HFM1: variants seen among roughly 807,000 people sequenced by gnomAD.
HFM1 encodes the protein helicase for meiosis 1.
HFM1 carries 169 observed loss-of-function variants against 192.1 expected under a neutral mutation model. The observed-to-expected ratio is 0.88, with a 90% CI of 0.78 to 1.00. The LOEUF (loss-of-function observed/expected upper bound fraction) is 1.00, where lower values mean the gene tolerates loss of function less well. Among genes scored for constraint, HFM1 ranks in the 50% least tolerant of loss-of-function variants. The pLI, the probability that HFM1 is intolerant of heterozygous loss-of-function variation, is 0.00. For missense variants in HFM1, 1,661 were observed against 1,668.0 expected (o/e 1.00, Z 0.07); for synonymous variants, 525 against 537.8 (o/e 0.98, Z 0.33).
rs561416105 is a variant in HFM1 at position 91,289,144 on chromosome 1, A to G, written c.3392-12082T>C. Among the ~76,000 whole-genome samples the G allele has an allele frequency of 1.5e-3, 216 of 148,564 alleles. 3 individuals are homozygous for G. In the East Asian group the frequency reaches 0.024, roughly 16 times the overall value. Reference sequence around the variant, plus strand: ...GGCGGAGGGGCTCCTCATTTCTCAGATGGGGCAGCCAGTCAGAGACGCTCC... The same window carrying G: ...GGCGGAGGGGCTCCTCATTTCTCAGGTGGGGCAGCCAGTCAGAGACGCTCC... On this transcript the variant is annotated intron_variant, in intron 30 of 38. Transcript: ENST00000370425.
chr1:91,298,698 G>A (rs926038532), intron 30 of HFM1, among the ~76,000 whole-genome samples: 4 of 152,158 alleles, frequency 2.6e-5, no homozygotes, highest in African/African-American at 9.7e-5. Context: ...AGCTTCATAA[G>A]TGAAGGAGAA....
In HFM1 at chr1:91,269,017, T is replaced by C. The variant is rs1452207136; in HGVS notation, c.3773-1162A>G. ...ATTTTTTGTGTTATTCACAATGTAATGGCTACAATAACAACACACATTTGT... is the reference window on the plus strand; with the variant it reads ...ATTTTTTGTGTTATTCACAATGTAACGGCTACAATAACAACACACATTTGT... On this transcript the variant is annotated intron_variant, in intron 34 of 38. Coordinates refer to ENST00000370425, the MANE Select transcript of HFM1 (RefSeq NM_001017975.6). 3.3e-5 allele frequency among the ~76,000 whole-genome samples: 5 copies of C among 152,270 alleles called. No individual in the cohort carries two copies. In the East Asian group the frequency reaches 7.7e-4, roughly 23 times the overall value.
upstream of HFM1, among the ~76,000 whole-genome samples, chr1:91,407,236 T>C (rs943314677): frequency 1.1e-4 from 17 of 152,166 alleles, no homozygotes; most frequent in African/African-American, 2.6e-4. Flanking sequence ...AAGGATAGCA[T>C]TGGGAGAAAT....
At chr1:91,261,661 A>C (rs1665168874) in intron 38 of HFM1, 1 of 188,154 alleles carries the variant, frequency 5.3e-6, no homozygotes, top group Admixed American at 6.1e-5. Flanking sequence ...CAACTAATTG[A>C]TCACAACCAG....
chr1:91,394,535 T>C (rs1486269057), intron 3 of HFM1, 133 bp from the exon 4 acceptor site: 2 of 600,342 alleles, frequency 3.3e-6, no homozygotes, highest in Admixed American at 3.1e-5. Context: ...AATAAGCTCA[T>C]CTGTAATACC....
At chr1:91,271,672 T>C (rs918253641) in intron 34 of HFM1, among the ~76,000 whole-genome samples, 5 of 152,030 alleles carry the variant, frequency 3.3e-5, no homozygotes, top group Non-Finnish European at 7.4e-5. Flanking sequence ...AGATAAGTTT[T>C]CTTTTAAGAC....
chr1:91,317,120 A>T (rs1048384919), intron 25 of HFM1, among the ~76,000 whole-genome samples: 1 of 152,108 alleles, frequency 6.6e-6, no homozygotes, highest in African/African-American at 2.4e-5. Context: ...TATTCCTTAA[A>T]TACATCAAAT....
chr1:91,400,787 ATCTAT>A (rs1353788391), intron 2 of HFM1, among the ~76,000 whole-genome samples: 4 of 152,134 alleles, frequency 2.6e-5, no homozygotes, highest in Admixed American at 1.3e-4. Flanking sequence ...CCTGGCCCAA[ATCTAT>A]TCTATTTTTA....
intron 30 of HFM1, among the ~76,000 whole-genome samples, chr1:91,283,778 C>T (rs1043210204): frequency 1.3e-5 from 2 of 151,912 alleles, no homozygotes; most frequent in African/African-American, 2.4e-5. Context: ...TAACAGGTGG[C>T]GGGGCAAGGG....
At position 91,322,993 on chromosome 1, in the gene HFM1, GA is replaced by G; in HGVS notation, c.2538del (p.Pro847GlnfsTer11). The G allele has an allele frequency of 7.3e-7, 1 of 1,370,406 alleles. No homozygotes were observed. 84.9% of individuals were successfully genotyped at this position (1,370,406 alleles called of 1,614,324 possible). On this transcript the variant is annotated frameshift_variant, in exon 23 of 39. Coordinates refer to ENST00000370425, the MANE Select transcript of HFM1 (RefSeq NM_001017975.6). LOFTEE classifies it high-confidence loss of function. ...CTTGTTTTAATTCTTCCTTCCATTG[GA>G]AATCTGTAAATAAAACCACATGGCA... Reference protein sequence around the residue: ...NKDPNRITIRFPMEGRIKTRE... With the variant: ...NKDPNRITIRXPMEGRIKTRE...
intron 11 of HFM1, among the ~76,000 whole-genome samples, chr1:91,376,493 A>G (rs189817043): frequency 3.6e-4 from 55 of 152,146 alleles, no homozygotes; most frequent in African/African-American, 1.3e-3. Context: ...AACAGCATTC[A>G]CACAAGTAGT....
chr1:91,378,392 G>T lies in HFM1; in HGVS notation c.1236+11C>A. ...TTTATGTTTATCTCTGAAAGCGAAT[G>T]CATTCATTACCTCATCAATGAGAAA... On this transcript the variant is annotated intron_variant, in intron 10 of 38. Transcript: ENST00000370425. The T allele has an allele frequency of 6.4e-7, 1 of 1,564,718 alleles. No homozygotes were observed. Among genetic ancestry groups the T allele is most frequent in the Non-Finnish European group, 8.8e-7 (1 of 1,139,526 alleles).
intron 20 of HFM1, chr1:91,328,638 G>T: frequency 6.3e-7 from 1 of 1,593,476 alleles, no homozygotes. Flanking sequence ...ATGTCTTTGA[G>T]GGCACGCCAC....
chr1:91,396,882 C>T (rs996826026), intron 2 of HFM1, among the ~76,000 whole-genome samples: 1 of 152,216 alleles, frequency 6.6e-6, no homozygotes, highest in Non-Finnish European at 1.5e-5. Flanking sequence ...AACCCGGCTG[C>T]ACAGCAAGAG....
At chr1:91,269,210 G>GA (rs1302762809) in intron 34 of HFM1, among the ~76,000 whole-genome samples, 4 of 151,962 alleles carry the variant, frequency 2.6e-5, no homozygotes, top group African/African-American at 7.2e-5. Context: ...AAGAAGTTGG[G>GA]AAAAAATGCA....
intron 30 of HFM1, among the ~76,000 whole-genome samples, chr1:91,300,090 G>A (rs1648450408): frequency 1.3e-5 from 2 of 152,002 alleles, no homozygotes; most frequent in Non-Finnish European, 2.9e-5. Flanking sequence ...AATAAAAAAT[G>A]ATAAAGGGGA....
intron 34 of HFM1, among the ~76,000 whole-genome samples, chr1:91,273,395 G>A (rs1666493951): frequency 6.6e-6 from 1 of 151,946 alleles, no homozygotes; most frequent in African/African-American, 2.4e-5. Context: ...AATGATATAT[G>A]AATGTAATCA....
intron 20 of HFM1, among the ~76,000 whole-genome samples, chr1:91,336,081 C>A (rs926591025): frequency 2.7e-5 from 4 of 148,730 alleles, no homozygotes; most frequent in African/African-American, 9.9e-5. Context: ...TCCCTTCTTG[C>A]AAGCTAAGAT....
At chr1:91,296,418 C>G (rs1298561282) in intron 30 of HFM1, among the ~76,000 whole-genome samples, 2 of 152,092 alleles carry the variant, frequency 1.3e-5, no homozygotes, top group Non-Finnish European at 2.9e-5. Flanking sequence ...TTATTATCTA[C>G]TGTTTAATAA....
Sources: gnomAD v4.1 joint callset for allele counts (sites outside exome capture counted in the v4.1 genomes callset) on GRCh38, gnomAD v4.1.1 for gene constraint, MANE v1.5 for transcripts, NCBI Gene and HGNC (gene_info 2026-07-23, HGNC 2026-07-21) for gene names.